SYTL5: variants seen among roughly 807,000 people sequenced by gnomAD.
The protein encoded by SYTL5 is synaptotagmin like 5, also known as synaptotagmin-like protein 5.
A neutral mutation model predicts 55.9 loss-of-function variants in SYTL5; 34 were observed. That is an observed-to-expected ratio of 0.61 (90% CI 0.46 to 0.81). The LOEUF is 0.81. SYTL5 is among the 30% of genes least tolerant of loss of function. The pLI, the probability that SYTL5 is intolerant of heterozygous loss-of-function variation, is 0.00. For missense variants in SYTL5, 637 were observed against 546.7 expected (o/e 1.17, Z -1.65); for synonymous variants, 221 against 188.7 (o/e 1.17, Z -1.40).
the SYTL5 span, among the ~76,000 whole-genome samples, chrX:37,889,028 G>T: frequency 8.9e-6 from 1 of 111,884 alleles, no homozygotes; most frequent in Admixed American, 9.5e-5. Context: ...CTGGAGTTGT[G>T]AGCAGGTCAG....
chrX:38,058,889 C>T (rs1000260014), intron 3 of SYTL5, among the ~76,000 whole-genome samples: 2 of 110,539 alleles, frequency 1.8e-5, no homozygotes, highest in Non-Finnish European at 3.8e-5. Flanking sequence ...TTTCTTTTCC[C>T]CCATTATCTG....
intron 12 of SYTL5, 138 bp from the exon 13 acceptor site, chrX:38,110,183 A>T: frequency 2.5e-6 from 1 of 398,479 alleles, no homozygotes; most frequent in Non-Finnish European, 4.1e-6. Context: ...AAAGAAAAAC[A>T]AAGAGTTTTC....
chrX:37,933,901 G>A, the SYTL5 span, among the ~76,000 whole-genome samples: 1 of 110,921 alleles, frequency 9.0e-6, no homozygotes, highest in African/African-American at 3.3e-5. Context: ...GAGTGTTGAG[G>A]GGGTGCCTCA....
At chrX:37,966,973 TTTTG>T in the SYTL5 span, among the ~76,000 whole-genome samples, 1 of 112,036 alleles carries the variant, frequency 8.9e-6, no homozygotes, top group Non-Finnish European at 1.9e-5. Context: ...CTCCTGAAGC[TTTTG>T]TTTGTTTAGG....
chrX:38,084,260 A>G (rs774082883), intron 6 of SYTL5, among the ~76,000 whole-genome samples: 2 of 112,408 alleles, frequency 1.8e-5, no homozygotes, highest in African/African-American at 6.5e-5. Flanking sequence ...CAGGGAGGGC[A>G]TGGAAACTCT....
At chrX:37,959,566 T>G in the SYTL5 span, among the ~76,000 whole-genome samples, 2 of 111,523 alleles carry the variant, frequency 1.8e-5, no homozygotes, top group African/African-American at 6.5e-5. Context: ...TTATTGGAGG[T>G]AGGGTAAACA....
intron 1 of SYTL5, among the ~76,000 whole-genome samples, chrX:38,009,144 T>C (rs1934092628): frequency 8.9e-6 from 1 of 112,261 alleles, no homozygotes; most frequent in Non-Finnish European, 1.9e-5. Context: ...TCCCTTCTTG[T>C]CTATTTTTCC....
intron 3 of SYTL5, among the ~76,000 whole-genome samples, chrX:38,066,315 A>G (rs1216867490): frequency 9.0e-6 from 1 of 111,457 alleles, no homozygotes; most frequent in Non-Finnish European, 1.9e-5. Context: ...CTGTAAAACT[A>G]TAGATAATTT....
chrX:37,946,902 C>A, the SYTL5 span: 1 of 111,814 alleles, frequency 8.9e-6, no homozygotes, highest in East Asian at 2.8e-4. Flanking sequence ...ATATTGATAA[C>A]CTCTAATTAT....
chrX:37,948,826 A>G, the SYTL5 span, among the ~76,000 whole-genome samples: 13 of 111,557 alleles, frequency 1.2e-4, no homozygotes, highest in Non-Finnish European at 7.5e-5. Context: ...CACATTTTTT[A>G]AATTCATCCA....
chrX:37,929,394 A>G, the SYTL5 span, among the ~76,000 whole-genome samples: 16 of 111,680 alleles, frequency 1.4e-4, no homozygotes, highest in Admixed American at 2.9e-4. Context: ...GCTCTAGAAA[A>G]CTCAGAACAG....
chrX:37,989,580 G>A, the SYTL5 span, among the ~76,000 whole-genome samples: 2 of 111,851 alleles, frequency 1.8e-5, no homozygotes, highest in Non-Finnish European at 3.8e-5. Context: ...ATATTCTCAG[G>A]CCTTGAAACC....
the SYTL5 span, chrX:37,994,695 G>A: frequency 4.1e-5 from 3 of 72,574 alleles, no homozygotes; most frequent in African/African-American, 1.3e-4. Flanking sequence ...GGAGGAAGAG[G>A]AGGAGGAGGA....
At chrX:38,047,883 T>C (rs1935510496) in intron 2 of SYTL5, among the ~76,000 whole-genome samples, 1 of 111,271 alleles carries the variant, frequency 9.0e-6, no homozygotes. Flanking sequence ...GCCACCAGTC[T>C]CTTTGCTAAA....
chrX:37,959,086 T>C, the SYTL5 span, among the ~76,000 whole-genome samples: 1 of 111,509 alleles, frequency 9.0e-6, no homozygotes, highest in Non-Finnish European at 1.9e-5. Context: ...CTTGTAGATC[T>C]ACAATTCTGA....
the SYTL5 span, among the ~76,000 whole-genome samples, chrX:37,961,215 T>A: frequency 9.0e-6 from 1 of 111,691 alleles, no homozygotes; most frequent in Non-Finnish European, 1.9e-5. Context: ...TCCATTGCTA[T>A]GGCAGAATAC....
chrX:37,911,526 C>T, the SYTL5 span, among the ~76,000 whole-genome samples: 3 of 111,236 alleles, frequency 2.7e-5, no homozygotes, highest in Non-Finnish European at 3.8e-5. Flanking sequence ...TTCTCATATG[C>T]GATTTTTAAA....
Position 38,102,330 on chromosome X carries a change from T to C in SYTL5, c.1063-12T>C. 1 of 1,173,362 alleles carries C rather than the reference T, an allele frequency of 8.5e-7. No homozygotes were observed. The highest frequency in any genetic ancestry group is 1.2e-6 in the Non-Finnish European group (1 of 863,857). On this transcript the variant is annotated splice_polypyrimidine_tract_variant and intron_variant, in intron 9 of 16. Coordinates refer to ENST00000297875, the MANE Select transcript of SYTL5 (RefSeq NM_138780.3). ...ATCAACCAACCCACTGATTTTTCCCTTTCTTTTTTAGGACTCCTTGGAAGA... is the reference window on the plus strand; with the variant it reads ...ATCAACCAACCCACTGATTTTTCCCCTTCTTTTTTAGGACTCCTTGGAAGA...
intron 11 of SYTL5, among the ~76,000 whole-genome samples, chrX:38,107,138 T>G (rs1250860924): frequency 9.0e-6 from 1 of 111,601 alleles, no homozygotes; most frequent in Non-Finnish European, 1.9e-5. Context: ...ATTAAACAAC[T>G]CAAAAGGGCA....
Sources: allele counts gnomAD v4.1 joint callset (sites outside exome capture counted in the v4.1 genomes callset), GRCh38; gene constraint gnomAD v4.1.1; transcripts MANE v1.5; gene names NCBI Gene and HGNC (gene_info 2026-07-23, HGNC 2026-07-21).